The following NCSTN variants were observed in gnomAD, a reference collection of about 807,000 sequenced individuals.
NCSTN encodes anterior pharynx-defective 2.
A neutral mutation model predicts 87.0 loss-of-function variants in NCSTN; 22 were observed. The observed-to-expected ratio is 0.25, with a 90% CI of 0.18 to 0.36. NCSTN has a LOEUF of 0.36. NCSTN is among the 10% of genes least tolerant of loss of function. The pLI is 1.00. For synonymous variants in NCSTN, 306 were observed against 327.1 expected (o/e 0.94, Z 0.69); for missense variants, 693 against 883.3 (o/e 0.78, Z 2.73).
Position 160,358,279 on chromosome 1 carries a change from C to G in NCSTN, c.*8C>G, listed in dbSNP as rs1428973380. 1.6e-5 allele frequency: 26 copies of G among 1,613,874 alleles called. No homozygotes were observed. Among genetic ancestry groups the G allele is most frequent in the Non-Finnish European group, 2.0e-5 (24 of 1,180,012 alleles). On this transcript the variant is annotated 3_prime_UTR_variant, in exon 17 of 17. Transcript: ENST00000294785. ...GGAGCTGTGTCATACTGAGGAGGAC[C>G]CCAGCTTTTCTTGCCAGCTCAGCAG... is the stretch of plus-strand genomic sequence containing the variant.
chr1:160,350,046 G>A (rs1378571671), intron 4 of NCSTN, 59 bp from the exon 5 acceptor site: 2 of 1,581,122 alleles, frequency 1.3e-6, no homozygotes, highest in African/African-American at 2.7e-5. Context: ...CCGTCACCTG[G>A]TTCCTAAGTA....
chr1:160,355,689 A>G lies in NCSTN; in HGVS notation c.1387A>G (p.Ile463Val), dbSNP rs753758382. Residue 463 changes from isoleucine to valine, a missense_variant, in exon 12 of 17, where the codon ATT becomes GTT. By Grantham distance (29) the Ile-to-Val change is conservative (BLOSUM62 3). Coordinates refer to ENST00000294785, the MANE Select transcript of NCSTN (RefSeq NM_015331.3). ...GAGTATTTACGACACTGCTGAGAACATTAATGTGAGCTATCCCGAATGGCT... is the reference window on the plus strand; with the variant it reads ...GAGTATTTACGACACTGCTGAGAACGTTAATGTGAGCTATCCCGAATGGCT... Reference protein sequence around the residue: ...YQSIYDTAENINVSYPEWLSP... With the variant: ...YQSIYDTAENVNVSYPEWLSP... The G allele has an allele frequency of 2.5e-6, 4 of 1,614,214 alleles. No homozygotes were observed. The highest frequency in any genetic ancestry group is 3.4e-6 in the Non-Finnish European group (4 of 1,180,024).
chr1:160,344,617 A>G, intron 1 of NCSTN, 105 bp from the exon 2 acceptor site: 1 of 1,560,342 alleles, frequency 6.4e-7, no homozygotes, highest in Non-Finnish European at 8.7e-7. Context: ...TTTAGAAAGT[A>G]TGATATTAAA....
chr1:160,353,742 A>C, intron 10 of NCSTN: 5 of 982,024 alleles, frequency 5.1e-6, no homozygotes, highest in Non-Finnish European at 6.0e-6. Context: ...TAGCATTTAA[A>C]GAATTGGTTA....
Position 160,358,273 on chromosome 1 carries a change from G to A in NCSTN, c.*2G>A. On this transcript the variant is annotated 3_prime_UTR_variant, in exon 17 of 17. Coordinates refer to ENST00000294785, the MANE Select transcript of NCSTN (RefSeq NM_015331.3). Reference sequence around the variant, plus strand: ...GAGCCAGGAGCTGTGTCATACTGAGGAGGACCCCAGCTTTTCTTGCCAGCT... The same window carrying A: ...GAGCCAGGAGCTGTGTCATACTGAGAAGGACCCCAGCTTTTCTTGCCAGCT... The A allele has an allele frequency of 1.2e-6, 2 of 1,614,028 alleles. No homozygotes were observed. Among genetic ancestry groups the A allele is most frequent in the Non-Finnish European group, 1.7e-6 (2 of 1,180,014 alleles).
chr1:160,351,955 T>G, intron 7 of NCSTN, 99 bp from the exon 8 acceptor site: 1 of 1,534,788 alleles, frequency 6.5e-7, no homozygotes, highest in Non-Finnish European at 9.0e-7. Context: ...TTGTCTCCAT[T>G]GCCACAGGAC....
At chr1:160,352,651 C>G (rs1411323144) in intron 8 of NCSTN, among the ~76,000 whole-genome samples, 1 of 152,194 alleles carries the variant, frequency 6.6e-6, no homozygotes, top group African/African-American at 2.4e-5. Context: ...TAGACCTTTA[C>G]TAAGGCTACT....
At chr1:160,350,711 T>A (rs567000500) in intron 5 of NCSTN, among the ~76,000 whole-genome samples, 1 of 146,452 alleles carries the variant, frequency 6.8e-6, no homozygotes, top group Non-Finnish European at 1.5e-5. Flanking sequence ...ACTAGTATCG[T>A]TAAAAAAAAA....
chr1:160,351,938 T>A (rs1648871261), intron 7 of NCSTN, 116 bp from the exon 8 acceptor site: 15 of 1,493,130 alleles, frequency 1.0e-5, no homozygotes, highest in Non-Finnish European at 1.3e-5. Context: ...GCTGTGGGAC[T>A]CCTGGGTTGT....
At chr1:160,348,796 T>A (rs1648666219) in intron 2 of NCSTN, among the ~76,000 whole-genome samples, 1 of 152,232 alleles carries the variant, frequency 6.6e-6, no homozygotes, top group African/African-American at 2.4e-5. Flanking sequence ...ATGAGTCCTC[T>A]TGTGCTCTTT....
chr1:160,349,096 T>C lies in NCSTN; in HGVS notation c.288T>C (p.Val96=). ...ATGGCCCCAACCCCCCTTACATGGT[T>C]CTGCTGGAGAGCAAGCATTTTACCA... ...LTDGPNPPYM[V]LLESKHFTRD... is the part of the protein sequence containing the mutation. Residue 96 remains valine, a synonymous_variant, in exon 3 of 17, where the codon GTT becomes GTC. Transcript: ENST00000294785. 1 of 1,614,164 alleles carries C rather than the reference T, an allele frequency of 6.2e-7. No individual in the cohort carries two copies. Among genetic ancestry groups the C allele is most frequent in the Non-Finnish European group, 8.5e-7 (1 of 1,180,008 alleles).
At chr1:160,344,304 C>T (rs1432276118) in intron 1 of NCSTN, among the ~76,000 whole-genome samples, 1 of 152,100 alleles carries the variant, frequency 6.6e-6, no homozygotes, top group Non-Finnish European at 1.5e-5. Flanking sequence ...CAATTCTGTT[C>T]ACACTCTTGG....
chr1:160,353,780 C>CTAT (rs996721692), intron 10 of NCSTN: 2 of 921,620 alleles, frequency 2.2e-6, no homozygotes. Flanking sequence ...ACGCAGTTTT[C>CTAT]TATTATTATT....
chr1:160,355,768 G>A lies in NCSTN; in HGVS notation c.1455+11G>A, dbSNP rs1239703677. Reference sequence around the variant, plus strand: ...ACAGACACTGCCAAGGTAGCACTGAGCCAGGCTGGGTGGGAGCCTGGGGCA... The same window carrying A: ...ACAGACACTGCCAAGGTAGCACTGAACCAGGCTGGGTGGGAGCCTGGGGCA... On this transcript the variant is annotated intron_variant, in intron 12 of 16. Coordinates refer to ENST00000294785, the MANE Select transcript of NCSTN (RefSeq NM_015331.3). The A allele has an allele frequency of 6.2e-7, 1 of 1,611,084 alleles. No homozygotes were observed.
At chr1:160,345,439 C>T (rs1648419025) in intron 2 of NCSTN, among the ~76,000 whole-genome samples, 1 of 152,022 alleles carries the variant, frequency 6.6e-6, no homozygotes, top group Admixed American at 6.5e-5. Flanking sequence ...GTGATCCACC[C>T]ACCTTGGCCT....
At position 160,356,193 on chromosome 1, in the gene NCSTN, C is replaced by G. The variant is rs767081971; in HGVS notation, c.1552-67C>G. 324 of 1,385,924 alleles carry G rather than the reference C, an allele frequency of 2.3e-4. 1 individual carries two copies. The highest frequency in any genetic ancestry group is 1.6e-3 in the Middle Eastern group (9 of 5,650). 85.9% of individuals were successfully genotyped at this position (1,385,924 alleles called of 1,614,324 possible). A position where few individuals can be genotyped will look rare whatever the true frequency, so the allele number is the denominator to read the frequency against. On this transcript the variant is annotated intron_variant, in intron 13 of 16. Transcript: ENST00000294785. ...TTCCTGCCCCATGACTGGGTCTCCA[C>G]TGATAATTCTTTCCCTGGGCTCCCT...
At chr1:160,355,207 A>G (rs1403852774) in intron 11 of NCSTN, among the ~76,000 whole-genome samples, 1 of 152,136 alleles carries the variant, frequency 6.6e-6, no homozygotes, top group African/African-American at 2.4e-5. Context: ...TTATCAGTGT[A>G]TTCTTATATA....
chr1:160,346,254 A>G (rs1323368372), intron 2 of NCSTN, among the ~76,000 whole-genome samples: 2 of 152,244 alleles, frequency 1.3e-5, no homozygotes, highest in Non-Finnish European at 2.9e-5. Context: ...TGGCTTCTTC[A>G]TCATCAAATT....
rs201886198 is a variant in NCSTN at position 160,350,165 on chromosome 1, C to T, written c.497C>T (p.Ser166Leu). 26 of 1,613,888 alleles carry T rather than the reference C, an allele frequency of 1.6e-5. No homozygotes were observed. Among genetic ancestry groups the T allele is most frequent in the Admixed American group, 1.3e-4 (8 of 59,992 alleles). The change falls in exon 5 of 17, where the codon TCG (serine) becomes TTG (leucine). Residue 166 changes from serine (S) to leucine (L), a missense_variant. This residue lies in a region of NCSTN where 235 missense variants were observed against 233.9 expected (regional missense o/e 1.00). Transcript: ENST00000294785. Reference protein sequence around the residue: ...FAHCREIQWNSLGNGLAYEDF... With the variant: ...FAHCREIQWNLLGNGLAYEDF... ...CACTGCAGAGAAATACAGTGGAATT[C>T]GCTGGGCAATGGTTTGGCTTATGAA...
Sources: gnomAD v4.1 joint callset for allele counts (sites outside exome capture counted in the v4.1 genomes callset) on GRCh38, gnomAD v4.1.1 for gene constraint, gnomAD v4.1.1 regional missense constraint, MANE v1.5 for transcripts, NCBI Gene and HGNC (gene_info 2026-07-23, HGNC 2026-07-21) for gene names.